GARIN5A: variants seen among roughly 807,000 people sequenced by gnomAD.
The protein encoded by GARIN5A is golgi associated RAB2 interactor 5A.
chr19:50,476,714 G>C, the GARIN5A span: 205 of 1,128,126 alleles, frequency 1.8e-4, no homozygotes, highest in Admixed American at 2.9e-4. Flanking sequence ...CGCAGGTCTT[G>C]GGTCTTTAGG....
the GARIN5A span, chr19:50,476,611 AG>A: frequency 6.4e-6 from 10 of 1,562,894 alleles, no homozygotes; most frequent in African/African-American, 1.1e-4. Context: ...AGCAGCGCCC[AG>A]TCGAGCCCGG....
At chr19:50,471,877 T>C in the GARIN5A span, among the ~76,000 whole-genome samples, 1 of 151,658 alleles carries the variant, frequency 6.6e-6, no homozygotes, top group African/African-American at 2.4e-5. Flanking sequence ...TATGTATGCA[T>C]ACATGTGTGT....
At chr19:50,468,281 C>G in the GARIN5A span, among the ~76,000 whole-genome samples, 1 of 147,396 alleles carries the variant, frequency 6.8e-6, no homozygotes, top group Non-Finnish European at 1.5e-5. Flanking sequence ...AGAATTGCTT[C>G]AACCTGGGAG....
the GARIN5A span, chr19:50,476,053 C>T: frequency 1.9e-6 from 3 of 1,606,222 alleles, no homozygotes; most frequent in Non-Finnish European, 2.5e-6. Flanking sequence ...GTATCAGATG[C>T]CCCCGAATTG....
At chr19:50,476,706 C>T in the GARIN5A span, 2 of 1,238,268 alleles carry the variant, frequency 1.6e-6, no homozygotes, top group Non-Finnish European at 2.2e-6. Flanking sequence ...ACGGATGTCG[C>T]AGGTCTTGGG....
chr19:50,468,347 G>A, the GARIN5A span, among the ~76,000 whole-genome samples: 1 of 133,538 alleles, frequency 7.5e-6, no homozygotes, highest in Non-Finnish European at 1.6e-5. Flanking sequence ...GGGCGACAGA[G>A]AGAGGGACTG....
the GARIN5A span, chr19:50,475,489 G>C: frequency 6.3e-7 from 1 of 1,575,866 alleles, no homozygotes; most frequent in South Asian, 1.1e-5. Context: ...GGGCAGGATA[G>C]ATGTCGGGGC....
chr19:50,476,498 C>T, the GARIN5A span: 7 of 1,571,462 alleles, frequency 4.5e-6, no homozygotes, highest in South Asian at 3.4e-5. Flanking sequence ...GCGTGCTCCG[C>T]GGCTCTTGGC....
At chr19:50,467,605 T>C in the GARIN5A span, 1 of 1,551,094 alleles carries the variant, frequency 6.4e-7, no homozygotes, top group Non-Finnish European at 8.7e-7. Flanking sequence ...ACCCTCCCCA[T>C]CTACATCCTC....
the GARIN5A span, among the ~76,000 whole-genome samples, chr19:50,471,696 G>GCATACATGCACGTGTGTGTATACA: frequency 1.4e-5 from 2 of 146,698 alleles, no homozygotes; most frequent in Admixed American, 6.7e-5. Flanking sequence ...GTGTGTATAC[G>GCATACATGCACGTGTGTGTATACA]CATACATGCA....
the GARIN5A span, chr19:50,476,509 T>C: frequency 2.5e-6 from 4 of 1,570,508 alleles, no homozygotes; most frequent in South Asian, 1.1e-5. Context: ...GGCTCTTGGC[T>C]CACAGCCGTC....
At chr19:50,467,829 C>G in the GARIN5A span, 3 of 1,612,566 alleles carry the variant, frequency 1.9e-6, no homozygotes, top group African/African-American at 4.0e-5. Context: ...AGGGGAACAG[C>G]CTGGGTGGGA....
chr19:50,471,089 T>A, the GARIN5A span, among the ~76,000 whole-genome samples: 1 of 151,850 alleles, frequency 6.6e-6, no homozygotes, highest in Non-Finnish European at 1.5e-5. Flanking sequence ...CTCAGCCTCC[T>A]AAGTAGCTGG....
chr19:50,467,888 C>CGGGGTCA, the GARIN5A span: 603 of 1,549,078 alleles, frequency 3.9e-4, 4 homozygotes, highest in South Asian at 2.2e-3. Flanking sequence ...CCAGCACCGT[C>CGGGGTCA]GGGGTCAGGG....
chr19:50,471,693 TACGC>T, the GARIN5A span, among the ~76,000 whole-genome samples: 2 of 147,206 alleles, frequency 1.4e-5, no homozygotes, highest in African/African-American at 5.4e-5. Context: ...CGTGTGTGTA[TACGC>T]ATACATGCAC....
At chr19:50,467,769 C>T in the GARIN5A span, 7 of 1,611,426 alleles carry the variant, frequency 4.3e-6, no homozygotes, top group Admixed American at 1.0e-4. Flanking sequence ...TCAACTTGAC[C>T]TCGAGCTGAC....
the GARIN5A span, among the ~76,000 whole-genome samples, chr19:50,471,672 G>A: frequency 3.8e-4 from 57 of 150,566 alleles, no homozygotes; most frequent in South Asian, 1.7e-3. Flanking sequence ...GTGTGTATAC[G>A]CATACATGCA....
At chr19:50,475,637 T>C in the GARIN5A span, 3,883 of 701,958 alleles carry the variant, frequency 5.5e-3, 129 homozygotes, top group African/African-American at 0.059. Context: ...TCAGGGAAAC[T>C]GAGGCAAGGG....
chr19:50,467,868 G>C, the GARIN5A span: 4 of 1,597,080 alleles, frequency 2.5e-6, no homozygotes, highest in Non-Finnish European at 3.4e-6. Context: ...TTCTGACCCT[G>C]TCGGGTCCTC....
Sources: gnomAD v4.1 joint callset for allele counts (sites outside exome capture counted in the v4.1 genomes callset) on GRCh38, gnomAD v4.1.1 for gene constraint, MANE v1.5 for transcripts, NCBI Gene and HGNC (gene_info 2026-07-23, HGNC 2026-07-21) for gene names.